The following FOXP3 variants were observed in gnomAD, a reference collection of about 807,000 sequenced individuals.
The protein encoded by FOXP3 is forkhead box protein P3.
FOXP3 carries 5 observed loss-of-function variants against 31.2 expected under a neutral mutation model. The observed-to-expected ratio is 0.16, with a 90% CI of 0.08 to 0.34. The LOEUF (loss-of-function observed/expected upper bound fraction) is 0.34, where lower values mean the gene tolerates loss of function less well. Among genes scored for constraint, FOXP3 ranks in the 10% least tolerant of loss-of-function variants. FOXP3 has a pLI of 1.00. For missense variants in FOXP3, 251 were observed against 363.0 expected, an observed-to-expected ratio of 0.69 and a Z score of 2.51; for synonymous variants, 141 against 148.8, an observed-to-expected ratio of 0.95 and a Z score of 0.38.
intron 1 of FOXP3, 44 bp from the exon 2 acceptor site, chrX:49,258,571 G>A: frequency 2.0e-6 from 2 of 1,010,958 alleles, no homozygotes; most frequent in Non-Finnish European, 2.6e-6. Context: ...GTGCTAGGGC[G>A]GTATGAGATA....
At chrX:49,257,914 G>A in intron 2 of FOXP3, 146 bp from the exon 3 acceptor site, 1 of 508,678 alleles carries the variant, frequency 2.0e-6, no homozygotes, top group Non-Finnish European at 3.3e-6. Flanking sequence ...CATGGAGATC[G>A]AGTAACTTTT....
Position 49,250,661 on chromosome X carries a change from C to T in FOXP3, c.*673G>A, listed in dbSNP as rs148013438. The T allele has an allele frequency of 4.7e-3, 1,325 of 281,687 alleles. 16 individuals carry two copies. Among genetic ancestry groups the T allele is most frequent in the African/African-American group, 0.028 (1,009 of 36,114 alleles). The allele number at this position is 281,687 out of a possible 1,213,427, so 23.2% of individuals were successfully genotyped here. A position where few individuals can be genotyped will look rare whatever the true frequency, so the allele number is the denominator to read the frequency against. On this transcript the variant is annotated 3_prime_UTR_variant, in exon 12 of 12. Coordinates refer to ENST00000376207, the MANE Select transcript of FOXP3 (RefSeq NM_014009.4). ...TCAAGAGACCCACTGGGGGGCTGTG[C>T]GTGTGCATATGCGTGAGATACACAG... is the stretch of plus-strand genomic sequence containing the variant.
rs782210800 is a variant in FOXP3 at position 49,257,730 on chromosome X, C to G, written c.249G>C (p.Gly83=). ...AGTGGGGCAAGGGGCCCAGCCGTGC[C>G]CCGGAGGGTGCCACCATGACTAGGG... ...TLPLVMVAPS[G]ARLGPLPHLQ... Residue 83 remains glycine (G), a synonymous_variant, in exon 3 of 12, where the codon GGG becomes GGC. Coordinates refer to ENST00000376207, the MANE Select transcript of FOXP3 (RefSeq NM_014009.4). The G allele has an allele frequency of 1.3e-5, 15 of 1,175,510 alleles. No individual in the cohort carries two copies. In the Admixed American group the frequency reaches 3.8e-4, roughly 29 times the overall value.
chrX:49,258,754 G>C (rs1557116833), intron 1 of FOXP3, among the ~76,000 whole-genome samples: 1 of 111,414 alleles, frequency 9.0e-6, no homozygotes, highest in African/African-American at 3.3e-5. Context: ...CCCACGTGCA[G>C]AGGTCCAGCA....
At position 49,257,701 on chromosome X, in the gene FOXP3, T is replaced by A. The variant is rs2066083202; in HGVS notation, c.278A>T (p.Gln93Leu). 8.5e-7 allele frequency: 1 copy of A among 1,181,701 alleles called. No individual in the cohort carries two copies. The highest frequency in any genetic ancestry group is 3.1e-5 in the East Asian group (1 of 32,370). The change falls in exon 3 of 12, where the codon CAG (glutamine) becomes CTG (leucine). Residue 93 changes from glutamine (Q) to leucine (L), a missense_variant. Gln to Leu is a moderately radical substitution (Grantham distance 113). Transcript: ENST00000376207. ...GARLGPLPHL[Q>L]ALLQDRPHFM... The stretch of plus-strand genomic sequence containing the variant: ...ATGTGGCCTGTCCTGGAGGAGTGCC[T>A]GTAAGTGGGGCAAGGGGCCCAGCCG...
chrX:49,253,536 G>C (rs904303915), intron 9 of FOXP3, among the ~76,000 whole-genome samples: 22 of 112,788 alleles, frequency 2.0e-4, no homozygotes, highest in Admixed American at 9.3e-4. Flanking sequence ...GCAGTGGATA[G>C]GTGAGCTCGG....
intron 7 of FOXP3, 25 bp from the exon 8 acceptor site, chrX:49,255,534 C>A (rs1375377913): frequency 2.6e-6 from 3 of 1,172,690 alleles, no homozygotes; most frequent in African/African-American, 1.8e-5. Flanking sequence ...AAACATGAGG[C>A]CTCAGCCTGG....
At position 49,257,563 on chromosome X, in the gene FOXP3, G is replaced by A; in HGVS notation, c.318C>T (p.Leu106=). 1.7e-6 allele frequency: 2 copies of A among 1,193,440 alleles called. No homozygotes were observed. The highest frequency in any genetic ancestry group is 3.0e-5 in the East Asian group (1 of 33,470). Residue 106 remains leucine (L), a splice_region_variant and synonymous_variant, in exon 4 of 12, where the codon CTC becomes CTT. Coordinates refer to ENST00000376207, the MANE Select transcript of FOXP3 (RefSeq NM_014009.4). ...TCCGGGCGTGGGCATCCACCGTTGA[G>A]AGCTGGGGGGCACATGTGGGCTGTG... is the stretch of plus-strand genomic sequence containing the variant. The part of the protein sequence containing the change: ...LQDRPHFMHQ[L]STVDAHARTP...
intron 1 of FOXP3, among the ~76,000 whole-genome samples, 158 bp from the exon 2 acceptor site, chrX:49,258,685 AC>A (rs2066091717): frequency 1.0e-5 from 1 of 98,501 alleles, no homozygotes; most frequent in South Asian, 3.9e-4. Flanking sequence ...AGACACACAC[AC>A]ACACACACAC....
Position 49,256,829 on chromosome X carries a change from G to A in FOXP3, c.569C>T (p.Ser190Phe). The A allele has an allele frequency of 8.2e-7, 1 of 1,212,232 alleles. No homozygotes were observed. Among genetic ancestry groups the A allele is most frequent in the Non-Finnish European group, 1.1e-6 (1 of 895,549 alleles). ...GACACCATTTGCCAGCAGTGGGTAG[G>A]AGCTCTGGGGCACAGCCGAAAGGGT... ...DSTLSAVPQSSYPLLANGVCK... is the reference protein window; with the variant it reads ...DSTLSAVPQSFYPLLANGVCK... Residue 190 changes from serine (S) to phenylalanine (F), a missense_variant, in exon 6 of 12, where the codon TCC (serine) becomes TTC (phenylalanine). This residue lies in a region of FOXP3 where 152 missense variants were observed against 188.1 expected (regional missense o/e 0.81). Coordinates refer to ENST00000376207, the MANE Select transcript of FOXP3 (RefSeq NM_014009.4).
At chrX:49,260,563 A>C (rs1232196449) in intron 1 of FOXP3, among the ~76,000 whole-genome samples, 4 of 112,252 alleles carry the variant, frequency 3.6e-5, no homozygotes, top group Non-Finnish European at 5.6e-5. Flanking sequence ...CAAAGCATAG[A>C]TACATTCTCA....
chrX:49,254,115 T>A, intron 8 of FOXP3, 48 bp from the exon 9 acceptor site: 1 of 1,166,460 alleles, frequency 8.6e-7, no homozygotes, highest in South Asian at 1.9e-5. Flanking sequence ...AACTTCCCAC[T>A]TTTTACTTTC....
In FOXP3 at chrX:49,251,760, G is replaced by T; in HGVS notation, c.1050C>A (p.Ile350=). 1 of 1,200,342 alleles carries T rather than the reference G, an allele frequency of 8.3e-7. No individual in the cohort carries two copies. The highest frequency in any genetic ancestry group is 1.1e-6 in the Non-Finnish European group (1 of 895,234). ...TCCGCTGCTTCTCTGGAGCCTCCAG[G>T]ATGGCCTGGAAGTTGGGGGGTGGGG... ...FTYATLIRWA[I]LEAPEKQRTL... The change falls in exon 11 of 12, where the codon ATC becomes ATA. Residue 350 remains isoleucine, a synonymous_variant. Coordinates refer to ENST00000376207, the MANE Select transcript of FOXP3 (RefSeq NM_014009.4).
At chrX:49,262,712 T>C (rs2066117210) in intron 1 of FOXP3, among the ~76,000 whole-genome samples, 1 of 111,876 alleles carries the variant, frequency 8.9e-6, no homozygotes, top group Non-Finnish European at 1.9e-5. Flanking sequence ...TTGCAGTACA[T>C]ATGAGGAAAT....
In FOXP3 at chrX:49,251,272, C is replaced by T. The variant is rs948043262; in HGVS notation, c.*62G>A. 31 of 1,159,689 alleles carry T rather than the reference C, an allele frequency of 2.7e-5. No homozygotes were observed. Among genetic ancestry groups the T allele is most frequent in the African/African-American group, 3.6e-5 (2 of 56,149 alleles). On this transcript the variant is annotated 3_prime_UTR_variant, in exon 12 of 12. Coordinates refer to ENST00000376207, the MANE Select transcript of FOXP3 (RefSeq NM_014009.4). ...CCAGGGCCTATCATCCCTGCCCCCA[C>T]CACCTCTGCCTCCCACCAGTTTGGC...
chrX:49,250,735 A>G lies in FOXP3; in HGVS notation c.*599T>C. 3.9e-6 allele frequency: 1 copy of G among 257,280 alleles called. No individual in the cohort carries two copies. The highest frequency in any genetic ancestry group is 7.3e-6 in the Non-Finnish European group (1 of 137,536). 21.2% of individuals were successfully genotyped at this position (257,280 alleles called of 1,213,427 possible). A position where few individuals can be genotyped will look rare whatever the true frequency, so the allele number is the denominator to read the frequency against. ...GTGAGCGAGCACGTGTTGGGACCTCAGATCCTGAGGGTACTGACGCTGCTT... is the reference window on the plus strand; with the variant it reads ...GTGAGCGAGCACGTGTTGGGACCTCGGATCCTGAGGGTACTGACGCTGCTT... On this transcript the variant is annotated 3_prime_UTR_variant, in exon 12 of 12. Transcript: ENST00000376207.
Position 49,251,351 on chromosome X carries a change from G to C in FOXP3, c.1279C>G (p.Pro427Ala), listed in dbSNP as rs1557115501. Reference protein sequence around the residue: ...RSQRPSRCSNPTPGP With the variant: ...RSQRPSRCSNATPGP ...TCTTGAGGTCAGGGGCCAGGTGTAG[G>C]GTTGGAACACCTGCTGGGCCTCTGG... The change falls in exon 12 of 12, where the codon CCT (proline) becomes GCT (alanine). Residue 427 changes from proline to alanine, a missense_variant. Transcript: ENST00000376207. 8.3e-7 allele frequency: 1 copy of C among 1,209,887 alleles called. No individual in the cohort carries two copies. The highest frequency in any genetic ancestry group is 1.7e-5 in the African/African-American group (1 of 57,816).
intron 4 of FOXP3, 115 bp from the exon 5 acceptor site, chrX:49,257,127 C>T: frequency 1.5e-6 from 1 of 672,518 alleles, no homozygotes; most frequent in Non-Finnish European, 2.3e-6. Context: ...CCCTGACTCC[C>T]AGGGGGCTCT....
rs1481675900 is a variant in FOXP3 at position 49,253,434 on chromosome X, C to T, written c.968-232G>A. Among the ~76,000 whole-genome samples, 5 of 113,082 alleles carry T rather than the reference C, an allele frequency of 4.4e-5. No homozygotes were observed. The East Asian group carries it at 1.4e-3, about 31-fold the overall frequency. Reference sequence around the variant, plus strand: ...TTGAAAAGAAGCGGAGTAACTTGCACACCAAAGGATGCAAGAGGTTAAATG... The same window carrying T: ...TTGAAAAGAAGCGGAGTAACTTGCATACCAAAGGATGCAAGAGGTTAAATG... On this transcript the variant is annotated intron_variant, in intron 9 of 11. Transcript: ENST00000376207.
Sources: allele counts gnomAD v4.1 joint callset (sites outside exome capture counted in the v4.1 genomes callset), GRCh38; gene constraint gnomAD v4.1.1; regional missense constraint gnomAD v4.1.1; transcripts MANE v1.5; gene names NCBI Gene and HGNC (gene_info 2026-07-23, HGNC 2026-07-21).